The following DOCK2 variants were observed in gnomAD, a reference collection of about 807,000 sequenced individuals.
The protein encoded by DOCK2 is dedicator of cytokinesis protein 2.
In DOCK2, 87 loss-of-function variants were observed where a neutral mutation model predicts 248.9. The observed-to-expected ratio is 0.35, with a 90% CI of 0.29 to 0.42. DOCK2 has a LOEUF of 0.42. Among genes scored for constraint, DOCK2 ranks in the 10% least tolerant of loss-of-function variants. The pLI is 1.00. For missense variants in DOCK2, 1,747 were observed against 2,300.2 expected (o/e 0.76, Z 4.92); for synonymous variants, 805 against 821.6 (o/e 0.98, Z 0.35).
In DOCK2 at chr5:169,829,275, C is replaced by G. The variant is rs1769073710; in HGVS notation, c.2704-11482C>G. On this transcript the variant is annotated intron_variant, in intron 26 of 51. Coordinates refer to ENST00000520908, the MANE Select transcript of DOCK2 (RefSeq NM_004946.3). ...GCCCATGGATGCATGTTTTGAAATA[C>G]ATTGTCTCTCAAAAAAGCGGCATGC... is the stretch of plus-strand genomic sequence containing the variant. Among the ~76,000 whole-genome samples, 3 of 152,238 alleles carry G rather than the reference C, an allele frequency of 2.0e-5. No individual in the cohort carries two copies. The South Asian group carries it at 6.2e-4, about 32-fold the overall frequency.
intron 23 of DOCK2, among the ~76,000 whole-genome samples, chr5:169,752,793 G>T (rs1026224266): frequency 6.6e-6 from 1 of 152,008 alleles, no homozygotes; most frequent in African/African-American, 2.4e-5. Flanking sequence ...ACTGCCGGGC[G>T]CCGTGACTCA....
intron 28 of DOCK2, 54 bp from the exon 29 acceptor site, chr5:169,985,774 G>C: frequency 6.7e-7 from 1 of 1,488,280 alleles, no homozygotes. Flanking sequence ...GAGCCAACAA[G>C]CTCTGAGTTC....
rs1756929466 is a variant in DOCK2, at chr5:169,637,937, GGCTCCC to G, written c.43+571_43+576del. 3.9e-5 allele frequency among the ~76,000 whole-genome samples: 6 copies of G among 152,212 alleles called. 1 individual carries two copies. The South Asian group carries it at 1.2e-3, about 32-fold the overall frequency. On this transcript the variant is annotated intron_variant, in intron 1 of 51. Transcript: ENST00000520908. ...GCCCCCCAGAGCCTCTGGGGAAAAA[GGCTCCC>G]GCCAGGTGGTCTTAGGGTAACCAAG... is the stretch of plus-strand genomic sequence containing the variant.
chr5:169,853,490 C>T (rs1313692482), intron 27 of DOCK2, among the ~76,000 whole-genome samples: 1 of 152,138 alleles, frequency 6.6e-6, no homozygotes, highest in East Asian at 1.9e-4. Flanking sequence ...ATTTGTGTAG[C>T]CATTAAATGA....
chr5:169,904,165 ACTTT>A (rs1220922557), intron 27 of DOCK2, among the ~76,000 whole-genome samples: 1 of 150,964 alleles, frequency 6.6e-6, no homozygotes, highest in Non-Finnish European at 1.5e-5. Context: ...GATCCTTTGT[ACTTT>A]CTTGGGTAAA....
rs1561891079 is a variant in DOCK2, at chr5:170,034,659, G to A, written c.3624+104G>A. The stretch of plus-strand genomic sequence containing the variant: ...TCTTCATAGGGAAGCAGTGCTTAAG[G>A]GCTTTGGAAAGCAGACAAATGTGGA... On this transcript the variant is annotated intron_variant, in intron 35 of 51. Coordinates refer to ENST00000520908, the MANE Select transcript of DOCK2 (RefSeq NM_004946.3). 7 of 1,458,828 alleles carry A rather than the reference G, an allele frequency of 4.8e-6. No homozygotes were observed. The Admixed American group carries it at 1.7e-4, about 35-fold the overall frequency. The allele number at this position is 1,458,828 out of a possible 1,614,324, so 90.4% of individuals were successfully genotyped here.
intron 28 of DOCK2, among the ~76,000 whole-genome samples, chr5:169,984,448 G>T (rs1045477325): frequency 1.3e-5 from 2 of 152,178 alleles, no homozygotes; most frequent in Non-Finnish European, 2.9e-5. Flanking sequence ...GCACTTAATC[G>T]TCACAGTCAC....
At chr5:169,668,467 G>T (rs186800105) in intron 2 of DOCK2, among the ~76,000 whole-genome samples, 73 of 152,280 alleles carry the variant, frequency 4.8e-4, no homozygotes, top group African/African-American at 1.7e-3. Flanking sequence ...TGTCTGTTGG[G>T]AACATATTTC....
intron 43 of DOCK2, chr5:170,057,063 G>A (rs1441356199): frequency 2.0e-5 from 8 of 405,984 alleles, no homozygotes; most frequent in Non-Finnish European, 3.1e-5. Flanking sequence ...AAGAAGGGGT[G>A]TTGATAAAAT....
At chr5:169,844,814 C>A (rs1770208126) in intron 27 of DOCK2, among the ~76,000 whole-genome samples, 1 of 151,210 alleles carries the variant, frequency 6.6e-6, no homozygotes, top group Non-Finnish European at 1.5e-5. Context: ...AAGGCTTGTG[C>A]CTATTTGTGA....
rs57343313 is a variant in DOCK2 at position 169,974,888 on chromosome 5, T to C, written c.2800-8180T>C. On this transcript the variant is annotated intron_variant, in intron 27 of 51. Transcript: ENST00000520908. ...ATGGAGAGAGTTAGAAACAGGATAA[T>C]TATGTTCTGTGCCATTAAAAACTGG... is the stretch of plus-strand genomic sequence containing the variant. 2.4e-4 allele frequency among the ~76,000 whole-genome samples: 37 copies of C among 151,764 alleles called. 2 individuals carry two copies. In the East Asian group the frequency reaches 6.4e-3, roughly 26 times the overall value.
chr5:169,850,037 A>T (rs766216902), intron 27 of DOCK2, among the ~76,000 whole-genome samples: 3 of 152,218 alleles, frequency 2.0e-5, no homozygotes, highest in Non-Finnish European at 2.9e-5. Context: ...TCATGATTAG[A>T]TGCCGAGAGT....
chr5:170,079,196 C>T (rs774756363), intron 49 of DOCK2, 50 bp downstream of exon 49: 15 of 1,581,482 alleles, frequency 9.5e-6, no homozygotes, highest in East Asian at 2.3e-5. Flanking sequence ...CACATTTCCA[C>T]TACATGCTGG....
rs112537022 is a variant in DOCK2, at chr5:169,787,469, C to A, written c.2555-15589C>A. Among the ~76,000 whole-genome samples, 708 of 152,328 alleles carry A rather than the reference C, an allele frequency of 4.6e-3. 1 individual carries two copies. The highest frequency in any genetic ancestry group is 8.0e-3 in the Non-Finnish European group (542 of 68,018). On this transcript the variant is annotated intron_variant, in intron 25 of 51. Coordinates refer to ENST00000520908, the MANE Select transcript of DOCK2 (RefSeq NM_004946.3). ...CCCAGCTCCCACCCAACTGTCACTA[C>A]TTGAAATTTTGACAAACTTACAGGT...
intron 33 of DOCK2, among the ~76,000 whole-genome samples, chr5:170,023,343 A>G (rs2113826081): frequency 6.6e-6 from 1 of 152,340 alleles, no homozygotes; most frequent in East Asian, 1.9e-4. Context: ...TTCCACTGAG[A>G]CTGCATCTTG....
chr5:169,989,272 G>A (rs1778150248), intron 29 of DOCK2, among the ~76,000 whole-genome samples: 2 of 152,290 alleles, frequency 1.3e-5, no homozygotes, highest in African/African-American at 2.4e-5. Context: ...AACACAGTAA[G>A]ATCTGATTTA....
At position 170,036,549 on chromosome 5, in the gene DOCK2, A is replaced by G. The variant is rs1183186367; in HGVS notation, c.3659A>G (p.Tyr1220Cys). The G allele has an allele frequency of 1.2e-6, 2 of 1,613,214 alleles. No individual in the cohort carries two copies. The highest frequency in any genetic ancestry group is 8.5e-7 in the Non-Finnish European group (1 of 1,179,582). Residue 1220 changes from tyrosine (Y) to cysteine (C), a missense_variant, in exon 36 of 52, where the codon TAC becomes TGC. Physicochemically the swap from Tyr to Cys is radical, Grantham distance 194 (BLOSUM62 -2). Transcript: ENST00000520908. The stretch of plus-strand genomic sequence containing the variant: ...AAAGATAACAACAGGGAGGAGATGT[A>G]CATAAGGTAAGATTCATATTTTCTA... ...FYKDNNREEM[Y>C]IRYLYKLRDL...
intron 26 of DOCK2, among the ~76,000 whole-genome samples, chr5:169,808,773 A>T (rs778845991): frequency 2.5e-4 from 38 of 152,168 alleles, no homozygotes; most frequent in Non-Finnish European, 5.0e-4. Context: ...TCATTCCTCA[A>T]GAAAAAGGAG....
chr5:169,905,523 A>G (rs557456463), intron 27 of DOCK2, among the ~76,000 whole-genome samples: 2 of 152,314 alleles, frequency 1.3e-5, no homozygotes, highest in South Asian at 4.1e-4. Context: ...GGGAGAGGAC[A>G]GTTTGTGGCA....
Sources: gnomAD v4.1 joint callset for allele counts (sites outside exome capture counted in the v4.1 genomes callset) on GRCh38, gnomAD v4.1.1 for gene constraint, MANE v1.5 for transcripts, NCBI Gene and HGNC (gene_info 2026-07-23, HGNC 2026-07-21) for gene names.